The following XYLT2 variants were observed in gnomAD, a reference collection of about 807,000 sequenced individuals.
The protein encoded by XYLT2 is xylosyltransferase 2.
In XYLT2, 37 loss-of-function variants were observed where a neutral mutation model predicts 82.6. That is an observed-to-expected ratio of 0.45 (90% CI 0.34 to 0.59). The LOEUF (loss-of-function observed/expected upper bound fraction) is 0.59, where lower values mean the gene tolerates loss of function less well. XYLT2 is among the 20% of genes least tolerant of loss of function. XYLT2 has a pLI of 0.01. For synonymous variants in XYLT2, 474 were observed against 499.0 expected (o/e 0.95, Z 0.67); for missense variants, 934 against 1,181.3 (o/e 0.79, Z 3.07).
rs1236024774 is a variant in XYLT2 at position 50,346,861 on chromosome 17, TGTGGCTTCCTCAGCCG to T, written c.135+588_135+603del. 17 of 984,968 alleles carry T rather than the reference TGTGGCTTCCTCAGCCG, an allele frequency of 1.7e-5. No homozygotes were observed. In the Admixed American group the frequency reaches 9.2e-4, roughly 54 times the overall value. The allele number at this position is 984,968 out of a possible 1,614,324, so 61.0% of individuals were successfully genotyped here. On this transcript the variant is annotated intron_variant, in intron 1 of 10. Transcript: ENST00000017003. The surrounding 1 kb of genome is among the most constrained non-coding windows in gnomAD (Gnocchi z 5.1). Reference sequence around the variant, plus strand: ...GGAGAGAACTGGAGTATTCCCGAGGTGTGGCTTCCTCAGCCGGGGGTTTGAAGAACCTGGATGGGTC... The same window carrying T: ...GGAGAGAACTGGAGTATTCCCGAGGTGGGGTTTGAAGAACCTGGATGGGTC...
Position 50,360,918 on chromosome 17 carries a change from G to A in XYLT2, c.*627G>A, listed in dbSNP as rs1912781330. On this transcript the variant is annotated 3_prime_UTR_variant, in exon 11 of 11. Coordinates refer to ENST00000017003, the MANE Select transcript of XYLT2 (RefSeq NM_022167.4). Reference sequence around the variant, plus strand: ...TTGTAGCCAGGGGACCCTAGAAGTGGGGTGGGGCGGCTCCAGGGCTTTCCA... The same window carrying A: ...TTGTAGCCAGGGGACCCTAGAAGTGAGGTGGGGCGGCTCCAGGGCTTTCCA... 2 of 985,862 alleles carry A rather than the reference G, an allele frequency of 2.0e-6. No individual in the cohort carries two copies. The highest frequency in any genetic ancestry group is 3.5e-5 in the African/African-American group (2 of 57,232). The allele number at this position is 985,862 out of a possible 1,614,324, so 61.1% of individuals were successfully genotyped here. A position where few individuals can be genotyped will look rare whatever the true frequency, so the allele number is the denominator to read the frequency against.
intron 1 of XYLT2, among the ~76,000 whole-genome samples, chr17:50,350,184 A>G (rs371651135): frequency 0.018 from 121 of 6,716 alleles, 2 homozygotes; most frequent in East Asian, 0.058. Context: ...CTGCGTCTCA[A>G]AAAAAAAAAA....
chr17:50,351,262 G>T (rs2097845), intron 1 of XYLT2, among the ~76,000 whole-genome samples: 9 of 152,100 alleles, frequency 5.9e-5, no homozygotes, highest in Admixed American at 1.3e-4. Context: ...GAGAAGGGAT[G>T]GCATTCCACA....
chr17:50,347,314 G>A (rs148312249), intron 1 of XYLT2, among the ~76,000 whole-genome samples: 1 of 152,190 alleles, frequency 6.6e-6, no homozygotes, highest in South Asian at 2.1e-4. Flanking sequence ...CCCGATACCC[G>A]CGACCCCTTA....
At chr17:50,349,760 A>T (rs906821373) in intron 1 of XYLT2, among the ~76,000 whole-genome samples, 1 of 152,082 alleles carries the variant, frequency 6.6e-6, no homozygotes, top group African/African-American at 2.4e-5. Flanking sequence ...GGTTGGGGGA[A>T]GTCCTGGGGA....
chr17:50,356,044 C>T (rs759755305), intron 6 of XYLT2, 41 bp from the exon 7 acceptor site: 1 of 1,614,054 alleles, frequency 6.2e-7, no homozygotes, highest in East Asian at 2.2e-5. Flanking sequence ...GTGGGTTGGG[C>T]TGCCTGCAGC....
At position 50,356,229 on chromosome 17, in the gene XYLT2, G is replaced by C; in HGVS notation, c.1450G>C (p.Asp484His). The C allele has an allele frequency of 6.2e-7, 1 of 1,614,124 alleles. No individual in the cohort carries two copies. Among genetic ancestry groups the C allele is most frequent in the Non-Finnish European group, 8.5e-7 (1 of 1,179,990 alleles). Residue 484 changes from aspartate to histidine, a missense_variant, in exon 7 of 11, where the codon GAC becomes CAC. Physicochemically the swap from Asp to His is moderately conservative, Grantham distance 81. This residue lies in a region of XYLT2 where 189 missense variants were observed against 320.8 expected (regional missense o/e 0.59). Transcript: ENST00000017003. ...GGACTGGTGTGGCTGCTCCCCCAAC[G>C]ACTTCAAGCCACAGGACTTCCTCCG... ...IVDWCGCSPNDFKPQDFLRLQ... is the reference protein window; with the variant it reads ...IVDWCGCSPNHFKPQDFLRLQ...
Position 50,355,924 on chromosome 17 carries a change from A to G in XYLT2, c.1232A>G (p.Tyr411Cys), listed in dbSNP as rs1257053484. ...GTGCTGACACGCAGCTTTGTGGAGT[A>G]TGTGGTGTACACAGATGACCCGCTT... ...WFVLTRSFVE[Y>C]VVYTDDPLVA... is the part of the protein sequence containing the mutation. Residue 411 changes from tyrosine to cysteine, a missense_variant, in exon 6 of 11, where the codon TAT (tyrosine) becomes TGT (cysteine). By Grantham distance (194) the Tyr-to-Cys change is radical. Around this residue, in one of 3 missense-constraint regions of XYLT2, gnomAD observed 189 missense variants for 320.8 expected, o/e 0.59. Coordinates refer to ENST00000017003, the MANE Select transcript of XYLT2 (RefSeq NM_022167.4). 1 of 1,614,078 alleles carries G rather than the reference A, an allele frequency of 6.2e-7. No homozygotes were observed. The highest frequency in any genetic ancestry group is 8.5e-7 in the Non-Finnish European group (1 of 1,180,040).
chr17:50,358,970 G>A (rs1020193303), intron 10 of XYLT2: 6 of 169,870 alleles, frequency 3.5e-5, no homozygotes, highest in African/African-American at 1.4e-4. Flanking sequence ...AAATGTCTCA[G>A]GCCTCACTGT....
At chr17:50,347,048 C>A in intron 1 of XYLT2, 1 of 513,158 alleles carries the variant, frequency 1.9e-6, no homozygotes, top group Non-Finnish European at 2.5e-6. Context: ...GCCGTCTCAG[C>A]CCCCAAGTCC....
rs1425614418 is a variant in XYLT2 at position 50,356,421 on chromosome 17, G to A, written c.1483-90G>A. ...ACAGCAGCAGGAAAAGCCGCAGGAG[G>A]CTGAGCTCTAGGCAGTGCTGAGGGG... On this transcript the variant is annotated intron_variant, in intron 7 of 10. Transcript: ENST00000017003. 1.9e-6 allele frequency: 3 copies of A among 1,560,156 alleles called. No individual in the cohort carries two copies. The Admixed American group carries it at 5.4e-5, about 28-fold the overall frequency.
intron 1 of XYLT2, among the ~76,000 whole-genome samples, chr17:50,351,647 T>C (rs1189625453): frequency 6.6e-6 from 1 of 151,672 alleles, no homozygotes; most frequent in African/African-American, 2.4e-5. Flanking sequence ...GAAAAAAAAA[T>C]GATTCCTAAA....
rs1164021193 is a variant in XYLT2 at position 50,360,862 on chromosome 17, T to A, written c.*571T>A. 4 of 985,790 alleles carry A rather than the reference T, an allele frequency of 4.1e-6. No individual in the cohort carries two copies. The highest frequency in any genetic ancestry group is 4.8e-6 in the Non-Finnish European group (4 of 829,994). The allele number at this position is 985,790 out of a possible 1,614,324, so 61.1% of individuals were successfully genotyped here. ...GAAGAACAGGTGATATCGGGGGCGC[T>A]GCAGAGCTGGGCTCTAGCAGGACAG... On this transcript the variant is annotated 3_prime_UTR_variant, in exon 11 of 11. Coordinates refer to ENST00000017003, the MANE Select transcript of XYLT2 (RefSeq NM_022167.4).
chr17:50,349,945 G>C (rs2526540), intron 1 of XYLT2, among the ~76,000 whole-genome samples: 71,623 of 151,258 alleles, frequency 0.47, 18,755 homozygotes, highest in East Asian at 0.88. Context: ...CACTTTGGGA[G>C]GCTGAGGCGG....
chr17:50,346,149 G>C lies in XYLT2; in HGVS notation c.9G>C (p.Ala3=). ...GCGTCCCGGGCAGGAAGATGGTGGC[G>C]AGCGCGCGAGTGCAGAAGCTGGTGC... MV[A]SARVQKLVRR... Residue 3 remains alanine (A), a synonymous_variant, in exon 1 of 11, where the codon GCG becomes GCC. Coordinates refer to ENST00000017003, the MANE Select transcript of XYLT2 (RefSeq NM_022167.4). This position sits in a 1 kb window ranked among gnomAD's most constrained non-coding sequence, Gnocchi z 5.1. 1 of 1,260,066 alleles carries C rather than the reference G, an allele frequency of 7.9e-7. No homozygotes were observed. The highest frequency in any genetic ancestry group is 1.0e-6 in the Non-Finnish European group (1 of 977,632). The allele number at this position is 1,260,066 out of a possible 1,614,324, so 78.1% of individuals were successfully genotyped here.
rs1912545470 is a variant in XYLT2 at position 50,356,602 on chromosome 17, G to T, written c.1574G>T (p.Ser525Ile). 1 of 1,614,100 alleles carries T rather than the reference G, an allele frequency of 6.2e-7. No homozygotes were observed. The highest frequency in any genetic ancestry group is 2.2e-5 in the East Asian group (1 of 44,884). Residue 525 changes from serine (S) to isoleucine (I), a missense_variant, in exon 8 of 11, where the codon AGC becomes ATC. Physicochemically the swap from Ser to Ile is moderately radical, Grantham distance 142. Around this residue, in one of 3 missense-constraint regions of XYLT2, gnomAD observed 374 missense variants for 465.6 expected, o/e 0.80. Coordinates refer to ENST00000017003, the MANE Select transcript of XYLT2 (RefSeq NM_022167.4). The stretch of plus-strand genomic sequence containing the variant: ...ATCCTGGACTTCCACCTGTATGGCA[G>T]CTACCCCCCCGGCACGCCAGCCCTC... ...LEILDFHLYG[S>I]YPPGTPALKA...
At chr17:50,357,342 G>C in intron 9 of XYLT2, 90 bp downstream of exon 9, 1 of 1,346,162 alleles carries the variant, frequency 7.4e-7, no homozygotes, top group Non-Finnish European at 9.8e-7. Flanking sequence ...GGAGGGGTAA[G>C]GTTATTTTTC....
chr17:50,348,303 C>T (rs957720831), intron 1 of XYLT2, among the ~76,000 whole-genome samples: 1 of 152,174 alleles, frequency 6.6e-6, no homozygotes, highest in African/African-American at 2.4e-5. Context: ...TCAGGAAAGG[C>T]TTCTCACAGG....
At chr17:50,354,722 G>A in intron 3 of XYLT2, 132 bp from the exon 4 acceptor site, 1 of 1,524,576 alleles carries the variant, frequency 6.6e-7, no homozygotes. Context: ...GGCAGCACGA[G>A]CCAGCTCAGC....
Sources: gnomAD v4.1 joint callset for allele counts (sites outside exome capture counted in the v4.1 genomes callset) on GRCh38, gnomAD v4.1.1 for gene constraint, gnomAD v4.1.1 regional missense constraint, Gnocchi (gnomAD v3.1) non-coding constraint, MANE v1.5 for transcripts, NCBI Gene and HGNC (gene_info 2026-07-23, HGNC 2026-07-21) for gene names.